The following MMAB variants were observed in gnomAD, a reference collection of about 807,000 sequenced individuals.
The protein encoded by MMAB is metabolism of cobalamin associated B.
A neutral mutation model predicts 30.6 loss-of-function variants in MMAB; 17 were observed. The observed-to-expected ratio is 0.56, with a 90% CI of 0.38 to 0.83. The LOEUF (loss-of-function observed/expected upper bound fraction) is 0.83, where lower values mean the gene tolerates loss of function less well. MMAB is among the 40% of genes least tolerant of loss of function. The probability of loss-of-function intolerance (pLI) is 0.00; values close to 1 mark genes in which losing one functional copy is unlikely to be tolerated. For missense variants in MMAB, 311 were observed against 331.6 expected (o/e 0.94, Z 0.48); for synonymous variants, 134 against 138.6 (o/e 0.97, Z 0.23).
intron 3 of MMAB, 112 bp from the exon 4 acceptor site, chr12:109,565,288 T>C (rs1884378963): frequency 3.7e-6 from 3 of 809,202 alleles, no homozygotes; most frequent in Non-Finnish European, 6.5e-6. Flanking sequence ...TTAGCTATAA[T>C]AGCCATGTTA....
chr12:109,572,411 ATTTTTTTTTT>A (rs34992643), intron 1 of MMAB, among the ~76,000 whole-genome samples: 2 of 119,060 alleles, frequency 1.7e-5, no homozygotes, highest in Non-Finnish European at 3.3e-5. Flanking sequence ...CACCCAGCTA[ATTTTTTTTTT>A]TTTTTTTTTT....
intron 3 of MMAB, 31 bp from the exon 4 acceptor site, chr12:109,565,207 G>A: frequency 1.3e-6 from 2 of 1,546,400 alleles, no homozygotes; most frequent in African/African-American, 1.4e-5. Flanking sequence ...GAATTTGCCT[G>A]TAATGTAATG....
chr12:109,569,483 C>G lies in MMAB; in HGVS notation c.197-620G>C, dbSNP rs1255714501. ...GATGTGCTTTTCAACTTAAAAACCACATACTAACCATCCTGATAAAGAAAT... is the reference window on the plus strand; with the variant it reads ...GATGTGCTTTTCAACTTAAAAACCAGATACTAACCATCCTGATAAAGAAAT... On this transcript the variant is annotated intron_variant, in intron 2 of 8. Coordinates refer to ENST00000545712, the MANE Select transcript of MMAB (RefSeq NM_052845.4). This position sits in a 1 kb window ranked among gnomAD's most constrained non-coding sequence, Gnocchi z 4.1. Among the ~76,000 whole-genome samples the G allele has an allele frequency of 6.6e-6, 1 of 152,222 alleles. No homozygotes were observed. The highest frequency in any genetic ancestry group is 1.5e-5 in the Non-Finnish European group (1 of 68,040).
At chr12:109,557,561 T>C (rs1396730867) in intron 8 of MMAB, among the ~76,000 whole-genome samples, 1 of 152,196 alleles carries the variant, frequency 6.6e-6, no homozygotes, top group African/African-American at 2.4e-5. Flanking sequence ...AGGGCTGGGC[T>C]GGGCTGGGCC....
At chr12:109,571,144 C>G (rs1884615234) in intron 2 of MMAB, among the ~76,000 whole-genome samples, 1 of 152,170 alleles carries the variant, frequency 6.6e-6, no homozygotes, top group Non-Finnish European at 1.5e-5. Flanking sequence ...CTTATCCAGA[C>G]AGATTCAGGC....
At chr12:109,568,723 C>T in intron 3 of MMAB, 47 bp downstream of exon 3, 1 of 1,378,680 alleles carries the variant, frequency 7.3e-7, no homozygotes, top group Non-Finnish European at 1.0e-6. Flanking sequence ...TACGTTTACT[C>T]ATACTCGACT....
chr12:109,566,844 T>C (rs1166722746), intron 3 of MMAB, among the ~76,000 whole-genome samples: 1 of 152,208 alleles, frequency 6.6e-6, no homozygotes. Flanking sequence ...GTTTTAGAGC[T>C]CATTAGAATA....
chr12:109,571,421 T>C (rs1480814425), intron 2 of MMAB, among the ~76,000 whole-genome samples: 1 of 152,068 alleles, frequency 6.6e-6, no homozygotes, highest in African/African-American at 2.4e-5. Flanking sequence ...TCAGCTAATT[T>C]TTGTATTTTT....
chr12:109,573,310 G>A (rs1242804784), intron 1 of MMAB, 37 bp downstream of exon 1: 1 of 1,611,778 alleles, frequency 6.2e-7, no homozygotes. Flanking sequence ...ACGATTCACG[G>A]CAGGTGTTCG....
At position 109,561,427 on chromosome 12, in the gene MMAB, A is replaced by T. The variant is rs1214346616; in HGVS notation, c.512T>A (p.Ile171Asn). 1 of 1,550,876 alleles carries T rather than the reference A, an allele frequency of 6.4e-7. No homozygotes were observed. Among genetic ancestry groups the T allele is most frequent in the East Asian group, 2.4e-5 (1 of 40,914 alleles). The change falls in exon 6 of 9, where the codon ATC (isoleucine) becomes AAC (asparagine). Residue 171 changes from isoleucine (I) to asparagine (N), a missense_variant. Coordinates refer to ENST00000545712, the MANE Select transcript of MMAB (RefSeq NM_052845.4). The surrounding 1 kb of genome is among the most constrained non-coding windows in gnomAD (Gnocchi z 5.3). ...TSQLPPLTAF[I>N]LPSGGKISSA... is the part of the protein sequence containing the mutation. ...AGCCTGCCCAGTACCTACAGGCAGG[A>T]TGAAGGCCGTGAGTGGTGGGAGCTG...
chr12:109,561,265 G>A lies in MMAB; in HGVS notation c.519+155C>T. ...CACCGGGCACGCTGCTCCAGAGTGG[G>A]CAGGGCTGGGAGGGACCGGTGAGGA... On this transcript the variant is annotated intron_variant, in intron 6 of 8. Transcript: ENST00000545712. The surrounding 1 kb of genome is among the most constrained non-coding windows in gnomAD (Gnocchi z 5.3). 1.9e-6 allele frequency: 3 copies of A among 1,584,772 alleles called. No homozygotes were observed. The South Asian group carries it at 3.4e-5, about 18-fold the overall frequency.
chr12:109,567,084 C>T lies in MMAB; in HGVS notation c.290+1686G>A, dbSNP rs147169792. On this transcript the variant is annotated intron_variant, in intron 3 of 8. Coordinates refer to ENST00000545712, the MANE Select transcript of MMAB (RefSeq NM_052845.4). ...TAAGAATAGTAATAATGAGGAGACT[C>T]GCTTGAACCCGGGAGGCAGAGGTTG... is the stretch of plus-strand genomic sequence containing the variant. The T allele has an allele frequency of 6.0e-3, 2,737 of 455,108 alleles. 35 individuals carry two copies. The highest frequency in any genetic ancestry group is 0.032 in the African/African-American group (1,588 of 49,898). The allele number at this position is 455,108 out of a possible 1,614,324, so 28.2% of individuals were successfully genotyped here. A position where few individuals can be genotyped will look rare whatever the true frequency, so the allele number is the denominator to read the frequency against.
intron 2 of MMAB, chr12:109,570,068 C>T: frequency 3.3e-6 from 1 of 306,310 alleles, no homozygotes; most frequent in Non-Finnish European, 6.7e-6. Context: ...TCGAGACTAG[C>T]CTGGCCAACA....
At position 109,555,804 on chromosome 12, in the gene MMAB, G is replaced by A. The variant is rs1395390862; in HGVS notation, c.*1224C>T. On this transcript the variant is annotated 3_prime_UTR_variant, in exon 9 of 9. Transcript: ENST00000545712. ...TCCTGCAAACTTTGCAGGCCAGGTG[G>A]TAAGAATGAAGGCAAAAATATGCAC... 4.4e-6 allele frequency: 2 copies of A among 453,934 alleles called. No individual in the cohort carries two copies. Among genetic ancestry groups the A allele is most frequent in the Non-Finnish European group, 8.8e-6 (2 of 226,766 alleles). The allele number at this position is 453,934 out of a possible 1,614,324, so 28.1% of individuals were successfully genotyped here.
rs11610545 is a variant in MMAB at position 109,561,200 on chromosome 12, G to A, written c.520-96C>T. The A allele has an allele frequency of 0.17, 273,823 of 1,593,036 alleles. 24,038 individuals are homozygous for A. The highest frequency in any genetic ancestry group is 0.19 in the Middle Eastern group (1,154 of 6,044). On this transcript the variant is annotated intron_variant, in intron 6 of 8. Transcript: ENST00000545712. This position sits in a 1 kb window ranked among gnomAD's most constrained non-coding sequence, Gnocchi z 5.3. ...GAAGTCCAGCCCTGCCCCCCAAACC[G>A]GGCAGTGTTCTGCCTCCAGGAGCCC...
Position 109,556,521 on chromosome 12 carries a change from C to T in MMAB, c.*507G>A. ...GACTAAACTTCCAAATCTTGTCCGC[C>T]TTCCCCTTTACAAATGTGACATTTA... On this transcript the variant is annotated 3_prime_UTR_variant, in exon 9 of 9. Transcript: ENST00000545712. 1 of 454,084 alleles carries T rather than the reference C, an allele frequency of 2.2e-6. No individual in the cohort carries two copies. The highest frequency in any genetic ancestry group is 4.4e-6 in the Non-Finnish European group (1 of 226,800). The allele number at this position is 454,084 out of a possible 1,614,324, so 28.1% of individuals were successfully genotyped here.
Position 109,561,858 on chromosome 12 carries a change from G to T in MMAB, c.349-6C>A. 1 of 1,601,086 alleles carries T rather than the reference G, an allele frequency of 6.2e-7. No individual in the cohort carries two copies. The highest frequency in any genetic ancestry group is 1.1e-5 in the South Asian group (1 of 89,138). ...TCCTGCAATGTGCACTGGATCTGGGGGGCGACAGAAAGTGACAGTCAAGAT... is the reference window on the plus strand; with the variant it reads ...TCCTGCAATGTGCACTGGATCTGGGTGGCGACAGAAAGTGACAGTCAAGAT... On this transcript the variant is annotated splice_polypyrimidine_tract_variant and splice_region_variant and intron_variant, in intron 4 of 8. Transcript: ENST00000545712. This position sits in a 1 kb window ranked among gnomAD's most constrained non-coding sequence, Gnocchi z 5.3.
chr12:109,557,049 C>G lies in MMAB; in HGVS notation c.732G>C (p.Ser244=), dbSNP rs186864802. 8 of 1,612,444 alleles carry G rather than the reference C, an allele frequency of 5.0e-6. No homozygotes were observed. In the Admixed American group the frequency reaches 8.3e-5, roughly 17 times the overall value. ...QEKIYMKNDP[S]AESEGL is the part of the protein sequence containing the mutation. Reference sequence around the variant, plus strand: ...GATTTCAGAGTCCCTCAGACTCGGCCGATGGGTCATTTTTCATGTATATTT... The same window carrying G: ...GATTTCAGAGTCCCTCAGACTCGGCGGATGGGTCATTTTTCATGTATATTT... The change falls in exon 9 of 9, where the codon TCG becomes TCC. Residue 244 remains serine, a synonymous_variant. Transcript: ENST00000545712.
rs1201118020 is a variant in MMAB at position 109,555,569 on chromosome 12, C to T, written c.*1459G>A. The T allele has an allele frequency of 2.2e-6, 1 of 449,896 alleles. No individual in the cohort carries two copies. The highest frequency in any genetic ancestry group is 2.4e-5 in the Admixed American group (1 of 42,040). 27.9% of individuals were successfully genotyped at this position (449,896 alleles called of 1,614,324 possible). A position where few individuals can be genotyped will look rare whatever the true frequency, so the allele number is the denominator to read the frequency against. On this transcript the variant is annotated 3_prime_UTR_variant, in exon 9 of 9. Coordinates refer to ENST00000545712, the MANE Select transcript of MMAB (RefSeq NM_052845.4). Reference sequence around the variant, plus strand: ...TCGGCCTCCCAAAGTCCGTTTTCAGCTCTGTTTTGCAAACACTGAGCACCG... The same window carrying T: ...TCGGCCTCCCAAAGTCCGTTTTCAGTTCTGTTTTGCAAACACTGAGCACCG...
Sources: gnomAD v4.1 joint callset for allele counts (sites outside exome capture counted in the v4.1 genomes callset) on GRCh38, gnomAD v4.1.1 for gene constraint, Gnocchi (gnomAD v3.1) non-coding constraint, MANE v1.5 for transcripts, NCBI Gene and HGNC (gene_info 2026-07-23, HGNC 2026-07-21) for gene names.